Variants in CFAP54 observed in about 807,000 individuals in gnomAD.
CFAP54 encodes cilia- and flagella-associated protein 54.
In CFAP54, 290 loss-of-function variants were observed where a neutral mutation model predicts 370.4. The ratio of observed to expected loss-of-function variants is 0.78; its 90% CI spans 0.71 to 0.86. The LOEUF (loss-of-function observed/expected upper bound fraction) is 0.86, where lower values mean the gene tolerates loss of function less well. Among genes scored for constraint, CFAP54 ranks in the 40% least tolerant of loss-of-function variants. The probability of loss-of-function intolerance (pLI) is 0.00; values close to 1 mark genes in which losing one functional copy is unlikely to be tolerated. For missense variants in CFAP54, 3,399 were observed against 3,528.7 expected (o/e 0.96, Z 0.93); for synonymous variants, 1,206 against 1,236.5 (o/e 0.98, Z 0.52).
In CFAP54 at chr12:96,765,101, A is replaced by G. The variant is rs764137236; in HGVS notation, c.8164A>G (p.Asn2722Asp). The G allele has an allele frequency of 4.4e-5, 66 of 1,489,296 alleles. No individual in the cohort carries two copies. The allele number at this position is 1,489,296 out of a possible 1,614,324, so 92.3% of individuals were successfully genotyped here. A position where few individuals can be genotyped will look rare whatever the true frequency, so the allele number is the denominator to read the frequency against. Residue 2722 changes from asparagine (N) to aspartate (D), a missense_variant, in exon 60 of 68, where the codon AAC becomes GAC. Around this residue, in one of 3 missense-constraint regions of CFAP54, gnomAD observed 2,796 missense variants for 2,869.7 expected, o/e 0.97. Coordinates refer to ENST00000524981, the MANE Select transcript of CFAP54 (RefSeq NM_001306084.2). The stretch of plus-strand genomic sequence containing the variant: ...GGTCAGTGAAGCTGTGCTGGCAATT[A>G]ACTTACTTATTGGAAAGAAGAATAC... Reference protein sequence around the residue: ...AQVSEAVLAINLLIGKKNTRM... With the variant: ...AQVSEAVLAIDLLIGKKNTRM...
chr12:96,517,146 T>C (rs905793408), intron 5 of CFAP54, among the ~76,000 whole-genome samples: 4 of 152,200 alleles, frequency 2.6e-5, no homozygotes, highest in Non-Finnish European at 5.9e-5. Context: ...TTTTCCTGTT[T>C]AAACTTGAAA....
intron 66 of CFAP54, among the ~76,000 whole-genome samples, chr12:96,857,508 A>G (rs187868594): frequency 6.4e-4 from 98 of 152,290 alleles, no homozygotes; most frequent in Non-Finnish European, 1.2e-3. Flanking sequence ...CATGGCGTAT[A>G]TGTACCACAT....
In CFAP54 at chr12:96,824,147, C is replaced by T. The variant is rs555168103; in HGVS notation, c.9097-4867C>T. On this transcript the variant is annotated intron_variant, in intron 65 of 67. Transcript: ENST00000524981. ...CCAGCCCCTCGCTAGCTGCAGCATG[C>T]GTGCATCCAACCGCTTTCTGGCTGG... is the stretch of plus-strand genomic sequence containing the variant. Among the ~76,000 whole-genome samples the T allele has an allele frequency of 3.9e-5, 6 of 152,240 alleles. No homozygotes were observed. The East Asian group carries it at 5.8e-4, about 15-fold the overall frequency.
intron 45 of CFAP54, among the ~76,000 whole-genome samples, chr12:96,698,619 C>T (rs1232535025): frequency 6.6e-6 from 1 of 152,034 alleles, no homozygotes; most frequent in Admixed American, 6.6e-5. Context: ...TAAGCAGGAA[C>T]TAAATATTAA....
chr12:96,835,439 TG>T (rs1959183063), intron 66 of CFAP54, among the ~76,000 whole-genome samples: 1 of 152,144 alleles, frequency 6.6e-6, no homozygotes, highest in Non-Finnish European at 1.5e-5. Flanking sequence ...TCAATGGTAC[TG>T]GCAACCCAGC....
At chr12:96,652,910 TAAG>T (rs1956878005) in intron 36 of CFAP54, among the ~76,000 whole-genome samples, 1 of 152,256 alleles carries the variant, frequency 6.6e-6, no homozygotes, top group Non-Finnish European at 1.5e-5. Context: ...CATTTCGTGT[TAAG>T]AAGAACCTCA....
rs574853665 is a variant in CFAP54 at position 96,679,629 on chromosome 12, G to T, written c.5593G>T (p.Val1865Leu). The T allele has an allele frequency of 2.9e-5, 46 of 1,612,358 alleles. No individual in the cohort carries two copies. Among genetic ancestry groups the T allele is most frequent in the South Asian group, 2.5e-4 (23 of 90,784 alleles). ...EYSRAKALVC[V>L]PVDVTDTLRC... ...CAGCCGAGCCAAAGCGCTTGTCTGCGTGCCCGTGGACGTGACAGACACCTT... is the reference window on the plus strand; with the variant it reads ...CAGCCGAGCCAAAGCGCTTGTCTGCTTGCCCGTGGACGTGACAGACACCTT... The change falls in exon 40 of 68, where the codon GTG becomes TTG. Residue 1865 changes from valine to leucine, a missense_variant. Around this residue, in one of 3 missense-constraint regions of CFAP54, gnomAD observed 2,796 missense variants for 2,869.7 expected, o/e 0.97. Coordinates refer to ENST00000524981, the MANE Select transcript of CFAP54 (RefSeq NM_001306084.2).
At chr12:96,764,368 A>G (rs1358558887) in intron 59 of CFAP54, 119 bp downstream of exon 59, 1 of 666,220 alleles carries the variant, frequency 1.5e-6, no homozygotes, top group Non-Finnish European at 2.4e-6. Context: ...CATGCCTGTT[A>G]TCCCAGCACT....
chr12:96,754,745 T>A (rs990020551), intron 56 of CFAP54, among the ~76,000 whole-genome samples: 4 of 151,442 alleles, frequency 2.6e-5, no homozygotes, highest in Non-Finnish European at 5.9e-5. Context: ...TGCTAGTGCC[T>A]ACATTTTTTT....
In CFAP54 at chr12:96,581,010, G is replaced by A. The variant is rs750553992; in HGVS notation, c.2980G>A (p.Gly994Arg). The A allele has an allele frequency of 2.0e-6, 3 of 1,533,216 alleles. No individual in the cohort carries two copies. Among genetic ancestry groups the A allele is most frequent in the African/African-American group, 1.4e-5 (1 of 72,888 alleles). 95.0% of individuals were successfully genotyped at this position (1,533,216 alleles called of 1,614,324 possible). A position where few individuals can be genotyped will look rare whatever the true frequency, so the allele number is the denominator to read the frequency against. The change falls in exon 22 of 68, where the codon GGA (glycine) becomes AGA (arginine). Residue 994 changes from glycine (G) to arginine (R), a missense_variant. Physicochemically the swap from Gly to Arg is moderately radical, Grantham distance 125. Coordinates refer to ENST00000524981, the MANE Select transcript of CFAP54 (RefSeq NM_001306084.2). ...VFAVAAYSNN[G>R]KLVGGAIGET... ...TGCAGTTGCTGCCTATTCTAACAACGGAAAGCTTGTCGGTGGTGCTATTGG... is the reference window on the plus strand; with the variant it reads ...TGCAGTTGCTGCCTATTCTAACAACAGAAAGCTTGTCGGTGGTGCTATTGG...
intron 66 of CFAP54, among the ~76,000 whole-genome samples, chr12:96,853,931 C>T (rs1959626294): frequency 6.6e-6 from 1 of 151,574 alleles, no homozygotes; most frequent in Non-Finnish European, 1.5e-5. Flanking sequence ...CCAAAATGCT[C>T]TATTTGTATC....
chr12:96,640,754 C>G (rs1212996082), intron 32 of CFAP54, among the ~76,000 whole-genome samples: 2 of 152,120 alleles, frequency 1.3e-5, no homozygotes, highest in Non-Finnish European at 2.9e-5. Context: ...CAGAACAGAT[C>G]CCCCAGAAAT....
intron 22 of CFAP54, among the ~76,000 whole-genome samples, chr12:96,581,439 G>A (rs188114644): frequency 6.8e-4 from 103 of 152,090 alleles, no homozygotes; most frequent in African/African-American, 2.3e-3. Context: ...CTTACCCTGG[G>A]GCAATTTTGT....
chr12:96,663,489 A>G (rs1397056809), intron 38 of CFAP54, among the ~76,000 whole-genome samples: 1 of 32,142 alleles, frequency 3.1e-5, no homozygotes, highest in African/African-American at 2.8e-4. Context: ...TAGGGTGGAA[A>G]AATCTGCATT....
At chr12:96,751,501 C>T (rs1409089438) in intron 55 of CFAP54, among the ~76,000 whole-genome samples, 1 of 151,626 alleles carries the variant, frequency 6.6e-6, no homozygotes, top group Non-Finnish European at 1.5e-5. Flanking sequence ...CTGTATAGTA[C>T]TAATACATAT....
At chr12:96,827,917 T>C (rs1959140465) in intron 65 of CFAP54, among the ~76,000 whole-genome samples, 2 of 112,774 alleles carry the variant, frequency 1.8e-5, no homozygotes, top group Non-Finnish European at 3.3e-5. Context: ...TACATAGTAA[T>C]ATATTATATT....
At chr12:96,659,118 C>G (rs1325659250) in intron 38 of CFAP54, among the ~76,000 whole-genome samples, 1 of 152,166 alleles carries the variant, frequency 6.6e-6, no homozygotes, top group African/African-American at 2.4e-5. Flanking sequence ...CTCCCAGGTT[C>G]CTGCGTGTCT....
At chr12:96,675,028 C>A (rs527807392) in intron 39 of CFAP54, among the ~76,000 whole-genome samples, 244 of 152,120 alleles carry the variant, frequency 1.6e-3, no homozygotes, top group African/African-American at 5.6e-3. Context: ...TAGGCATGGG[C>A]AAGGACTTCA....
chr12:96,589,445 A>T lies in CFAP54; in HGVS notation c.3094A>T (p.Asn1032Tyr). The T allele has an allele frequency of 6.5e-7, 1 of 1,532,404 alleles. No homozygotes were observed. The highest frequency in any genetic ancestry group is 8.7e-7 in the Non-Finnish European group (1 of 1,144,128). The allele number at this position is 1,532,404 out of a possible 1,614,324, so 94.9% of individuals were successfully genotyped here. ...FLTQVAYQVG[N>Y]YELAKKVFSP... ...GTTATAGGTTGCCTATCAAGTTGGT[A>T]ACTATGAATTGGCTAAGAAAGTTTT... Residue 1032 changes from asparagine (N) to tyrosine (Y), a missense_variant, in exon 23 of 68, where the codon AAC (asparagine) becomes TAC (tyrosine). Physicochemically the swap from Asn to Tyr is moderately radical, Grantham distance 143. Around this residue, in one of 3 missense-constraint regions of CFAP54, gnomAD observed 2,796 missense variants for 2,869.7 expected, o/e 0.97. Transcript: ENST00000524981.
Sources: gnomAD v4.1 joint callset for allele counts (sites outside exome capture counted in the v4.1 genomes callset) on GRCh38, gnomAD v4.1.1 for gene constraint, gnomAD v4.1.1 regional missense constraint, MANE v1.5 for transcripts, NCBI Gene and HGNC (gene_info 2026-07-23, HGNC 2026-07-21) for gene names.